TTC3: variants seen among roughly 807,000 people sequenced by gnomAD.
The protein encoded by TTC3 is E3 ubiquitin-protein ligase TTC3.
In TTC3, 180 loss-of-function variants were observed where a neutral mutation model predicts 249.6. That is an observed-to-expected ratio of 0.72 (90% CI 0.64 to 0.82). The LOEUF (loss-of-function observed/expected upper bound fraction) is 0.82. Among genes scored for constraint, TTC3 ranks in the 40% least tolerant of loss-of-function variants. The pLI is 0.00. For synonymous variants in TTC3, 717 were observed against 805.0 expected, an observed-to-expected ratio of 0.89 and a Z score of 1.85; for missense variants, 2,061 against 2,398.4, an observed-to-expected ratio of 0.86 and a Z score of 2.94.
intron 1 of TTC3, chr21:37,086,567 C>T (rs543776122): frequency 1.6e-4 from 25 of 152,196 alleles, no homozygotes; most frequent in Admixed American, 1.5e-3. Context: ...TTTAGCAGTG[C>T]TGATTGTGTA....
At position 37,110,177 on chromosome 21, in the gene TTC3, C is replaced by T. The variant is rs1175571650; in HGVS notation, c.900+1731C>T. Among the ~76,000 whole-genome samples, 3 of 152,258 alleles carry T rather than the reference C, an allele frequency of 2.0e-5. No homozygotes were observed. In the East Asian group the frequency reaches 5.8e-4, roughly 29 times the overall value. The stretch of plus-strand genomic sequence containing the variant: ...TCTCCTCCTCCAAAGGAACGCAGCT[C>T]CTCACCAGCAATGGAACAAAGCTGG... On this transcript the variant is annotated intron_variant, in intron 11 of 45. Transcript: ENST00000355666.
chr21:37,108,554 G>T, intron 11 of TTC3, 108 bp downstream of exon 11: 1 of 1,077,920 alleles, frequency 9.3e-7, no homozygotes, highest in Non-Finnish European at 1.3e-6. Flanking sequence ...AAATTACGTA[G>T]AGCTCCAGAA....
intron 1 of TTC3, chr21:37,081,613 A>G (rs574452180): frequency 3.3e-5 from 5 of 152,188 alleles, no homozygotes; most frequent in South Asian, 2.1e-4. Context: ...TTTAAATATT[A>G]TGTCTCATTA....
chr21:37,084,565 A>G (rs2072151279), intron 1 of TTC3, among the ~76,000 whole-genome samples: 1 of 152,232 alleles, frequency 6.6e-6, no homozygotes, highest in Non-Finnish European at 1.5e-5. Flanking sequence ...GGAAACACAG[A>G]GGAAGCACAG....
rs200050115 is a variant in TTC3 at position 37,201,615 on chromosome 21, C to T, written c.*41C>T. 2.5e-4 allele frequency: 403 copies of T among 1,582,276 alleles called. 1 individual carries two copies. The East Asian group carries it at 7.9e-3, about 31-fold the overall frequency. ...GTGTCATCCACCAGTGTGTTGAATCCGAAGAATGACAATTTTCTACCACTG... is the reference window on the plus strand; with the variant it reads ...GTGTCATCCACCAGTGTGTTGAATCTGAAGAATGACAATTTTCTACCACTG... On this transcript the variant is annotated 3_prime_UTR_variant, in exon 46 of 46. Coordinates refer to ENST00000355666, the Ensembl canonical transcript of TTC3.
chr21:37,175,128 G>T (rs554707142), intron 35 of TTC3, among the ~76,000 whole-genome samples: 18 of 151,208 alleles, frequency 1.2e-4, no homozygotes, highest in Admixed American at 6.6e-4. Context: ...GCCAGGTATG[G>T]TGGTGGGTGT....
At chr21:37,168,306 G>GAGAA (rs969566389) in intron 34 of TTC3, among the ~76,000 whole-genome samples, 30 of 152,226 alleles carry the variant, frequency 2.0e-4, no homozygotes, top group African/African-American at 6.3e-4. Context: ...AAGCAGATAT[G>GAGAA]AGAAAGAAAG....
At chr21:37,087,350 A>G (rs2072634643) in exon 2 of TTC3, 1 of 1,613,872 alleles carries the variant, frequency 6.2e-7, no homozygotes, top group Non-Finnish European at 8.5e-7. Context: ...TTGCTGCTGA[A>G]TTTATGAGCA....
At chr21:37,076,321 A>G (rs1568830485) in intron 1 of TTC3, among the ~76,000 whole-genome samples, 1 of 152,186 alleles carries the variant, frequency 6.6e-6, no homozygotes, top group African/African-American at 2.4e-5. Flanking sequence ...AACACAGTGT[A>G]TGCATTCTTC....
At chr21:37,164,682 A>AT (rs2081089516) in intron 32 of TTC3, among the ~76,000 whole-genome samples, 1 of 152,034 alleles carries the variant, frequency 6.6e-6, no homozygotes, top group African/African-American at 2.4e-5. Context: ...ATGATTATTG[A>AT]TTTTGTCAGT....
chr21:37,141,940 G>C (rs2078510462), intron 20 of TTC3, among the ~76,000 whole-genome samples: 1 of 152,128 alleles, frequency 6.6e-6, no homozygotes, highest in Non-Finnish European at 1.5e-5. Context: ...TGCAAGGCTG[G>C]TTCAACATAC....
rs759788587 is a variant in TTC3 at position 37,135,455 on chromosome 21, C to T, written c.1519C>T (p.Arg507Cys). ...TATGGCCTTATTGGAGCAGCGTTGCCGCAGCGCTGCACAGGCCTTTACAGA... is the reference window on the plus strand; with the variant it reads ...TATGGCCTTATTGGAGCAGCGTTGCTGCAGCGCTGCACAGGCCTTTACAGA... Residue 507 changes from arginine (R) to cysteine (C), a missense_variant, in exon 18 of 46, where the codon CGC (arginine) becomes TGC (cysteine). By Grantham distance (180) the Arg-to-Cys change is radical. Around this residue, in one of 3 missense-constraint regions of TTC3, gnomAD observed 989 missense variants for 1,145.1 expected, o/e 0.86. Coordinates refer to ENST00000355666, the Ensembl canonical transcript of TTC3. The T allele has an allele frequency of 6.0e-5, 97 of 1,613,776 alleles. 1 individual carries two copies. Among genetic ancestry groups the T allele is most frequent in the African/African-American group, 8.0e-5 (6 of 74,882 alleles).
intron 11 of TTC3, among the ~76,000 whole-genome samples, chr21:37,108,752 G>A (rs1190577679): frequency 1.3e-5 from 2 of 152,114 alleles, no homozygotes; most frequent in African/African-American, 4.8e-5. Flanking sequence ...AACTGGGGAG[G>A]AAGTATAGGA....
At position 37,159,749 on chromosome 21, in the gene TTC3, A is replaced by G. The variant is rs375334503; in HGVS notation, c.3039+4A>G. On this transcript the variant is annotated splice_donor_region_variant and intron_variant, in intron 29 of 45. Transcript: ENST00000355666. ...ACAAGATAGTGGTGAAGCACCGGTAAGTTACTTGGATCACTTGAATCTTAC... is the reference window on the plus strand; with the variant it reads ...ACAAGATAGTGGTGAAGCACCGGTAGGTTACTTGGATCACTTGAATCTTAC... The G allele has an allele frequency of 6.4e-7, 1 of 1,557,918 alleles. No individual in the cohort carries two copies.
intron 1 of TTC3, among the ~76,000 whole-genome samples, chr21:37,080,495 GTGT>G (rs2071487703): frequency 6.6e-6 from 1 of 151,712 alleles, no homozygotes; most frequent in African/African-American, 2.4e-5. Context: ...CTTGTTATTT[GTGT>G]TGTTCTGATA....
chr21:37,199,804 T>G (rs1416895879), intron 44 of TTC3, among the ~76,000 whole-genome samples: 1 of 152,204 alleles, frequency 6.6e-6, no homozygotes, highest in Non-Finnish European at 1.5e-5. Flanking sequence ...GCTTTCTATG[T>G]CAGGGATTAT....
chr21:37,196,237 CTTTTT>C (rs35693053), intron 42 of TTC3, among the ~76,000 whole-genome samples: 2 of 120,346 alleles, frequency 1.7e-5, no homozygotes, highest in Admixed American at 8.4e-5. Context: ...TTTTTTCTTT[CTTTTT>C]TTTTTTTTTT....
At chr21:37,074,592 A>T (rs546150750) in intron 1 of TTC3, among the ~76,000 whole-genome samples, 1 of 152,292 alleles carries the variant, frequency 6.6e-6, no homozygotes, top group South Asian at 2.1e-4. Flanking sequence ...CAAGGTAGAA[A>T]TTTTACAGAT....
In TTC3 at chr21:37,165,537, A is replaced by G; in HGVS notation, c.3336-13A>G. 6.4e-7 allele frequency: 1 copy of G among 1,570,558 alleles called. No individual in the cohort carries two copies. The highest frequency in any genetic ancestry group is 8.6e-7 in the Non-Finnish European group (1 of 1,160,478). ...CCTTATAGTAACTCATGTAAATGTA[A>G]ATTTTTTCCAAGTTACTTCTCTCAG... is the stretch of plus-strand genomic sequence containing the variant. On this transcript the variant is annotated splice_polypyrimidine_tract_variant and intron_variant, in intron 32 of 45. Transcript: ENST00000355666.
Sources: allele counts gnomAD v4.1 joint callset (sites outside exome capture counted in the v4.1 genomes callset), GRCh38; gene constraint gnomAD v4.1.1; regional missense constraint gnomAD v4.1.1; transcripts MANE v1.5; gene names NCBI Gene and HGNC (gene_info 2026-07-23, HGNC 2026-07-21).